EXTL3: variants seen among roughly 807,000 people sequenced by gnomAD.
The protein encoded by EXTL3 is exostosin-like 3.
A neutral mutation model predicts 69.3 loss-of-function variants in EXTL3; 27 were observed. The ratio of observed to expected loss-of-function variants is 0.39; its 90% CI spans 0.29 to 0.54. The LOEUF (loss-of-function observed/expected upper bound fraction) is 0.54, where lower values mean the gene tolerates loss of function less well. EXTL3 is among the 20% of genes least tolerant of loss of function. The pLI is 0.69. For missense variants in EXTL3, 1,003 were observed against 1,231.8 expected (o/e 0.81, Z 2.78); for synonymous variants, 511 against 499.4 (o/e 1.02, Z -0.31).
At chr8:28,641,499 C>T (rs192671249) in intron 1 of EXTL3, among the ~76,000 whole-genome samples, 14 of 152,164 alleles carry the variant, frequency 9.2e-5, no homozygotes, top group South Asian at 2.1e-4. Flanking sequence ...TTTTTTTAAA[C>T]GGAGTCTCAC....
At chr8:28,624,440 G>C (rs1217455479) in intron 1 of EXTL3, among the ~76,000 whole-genome samples, 1 of 152,140 alleles carries the variant, frequency 6.6e-6, no homozygotes, top group East Asian at 1.9e-4. Flanking sequence ...GTGAGCACCT[G>C]TGGTCTCAGC....
rs761359440 is a variant in EXTL3, at chr8:28,716,428, C to G, written c.369C>G (p.Asn123Lys). Residue 123 changes from asparagine (N) to lysine (K), a missense_variant, in exon 3 of 7, where the codon AAC becomes AAG. Asn to Lys is a moderately conservative substitution (Grantham distance 94). Around this residue, in one of 2 missense-constraint regions of EXTL3, gnomAD observed 742 missense variants for 815.4 expected, o/e 0.91. Coordinates refer to ENST00000220562, the MANE Select transcript of EXTL3 (RefSeq NM_001440.4). This position sits in a 1 kb window ranked among gnomAD's most constrained non-coding sequence, Gnocchi z 7.1. ...AAGCCTGTAAGAAGAGCATTGAGAACGCCAAGCAGGACCTGCTCCAGCTCA... is the reference window on the plus strand; with the variant it reads ...AAGCCTGTAAGAAGAGCATTGAGAAGGCCAAGCAGGACCTGCTCCAGCTCA... ...KIEACKKSIE[N>K]AKQDLLQLKN... 2 of 1,613,644 alleles carry G rather than the reference C, an allele frequency of 1.2e-6. No homozygotes were observed. The highest frequency in any genetic ancestry group is 1.3e-5 in the African/African-American group (1 of 74,950).
chr8:28,612,471 A>G (rs1212961980), intron 2 of EXTL3, among the ~76,000 whole-genome samples: 21 of 151,772 alleles, frequency 1.4e-4, no homozygotes, highest in Admixed American at 6.6e-5. Flanking sequence ...CTTAAAAAAA[A>G]AAAAAAGAAA....
intron 3 of EXTL3, among the ~76,000 whole-genome samples, chr8:28,722,817 T>C (rs998555628): frequency 6.6e-6 from 1 of 151,944 alleles, no homozygotes; most frequent in African/African-American, 2.4e-5. Flanking sequence ...AGATTATTAT[T>C]TTTCAATGCC....
chr8:28,611,100 G>T (rs1345995161), intron 2 of EXTL3, among the ~76,000 whole-genome samples: 1 of 152,158 alleles, frequency 6.6e-6, no homozygotes, highest in Admixed American at 6.6e-5. Context: ...GCTTGGGCCA[G>T]ATGTTTAGTT....
chr8:28,733,434 T>C (rs943235164), intron 4 of EXTL3, among the ~76,000 whole-genome samples: 1 of 152,156 alleles, frequency 6.6e-6, no homozygotes. Flanking sequence ...GGTCTCACAT[T>C]GTTGCTGAGG....
At chr8:28,722,211 C>A (rs1801305201) in intron 3 of EXTL3, among the ~76,000 whole-genome samples, 1 of 152,138 alleles carries the variant, frequency 6.6e-6, no homozygotes, top group African/African-American at 2.4e-5. Flanking sequence ...GGCAGTGGGA[C>A]CAGCAGGTGC....
At chr8:28,723,980 C>CT (rs375453638) in intron 3 of EXTL3, among the ~76,000 whole-genome samples, 3,299 of 145,866 alleles carry the variant, frequency 0.023, 94 homozygotes, top group African/African-American at 0.064. Context: ...TATTTTTTTT[C>CT]TTTTTTTTTT....
At chr8:28,641,721 C>T (rs1563433179) in intron 1 of EXTL3, among the ~76,000 whole-genome samples, 2 of 152,148 alleles carry the variant, frequency 1.3e-5, no homozygotes, top group African/African-American at 4.8e-5. Flanking sequence ...GATCCACCCC[C>T]TCCCCGACCC....
chr8:28,638,992 C>G (rs1806701493), intron 1 of EXTL3, among the ~76,000 whole-genome samples: 1 of 146,376 alleles, frequency 6.8e-6, no homozygotes, highest in African/African-American at 2.6e-5. Flanking sequence ...GGCTGCAGTG[C>G]AATGGTGTGT....
exon 1 of EXTL3, chr8:28,622,774 C>G (rs910382907): frequency 6.6e-6 from 1 of 152,410 alleles, no homozygotes; most frequent in Non-Finnish European, 1.5e-5. Context: ...CTGCAGTGGC[C>G]GCCGCTGGAG....
chr8:28,689,452 C>T (rs752573269), intron 1 of EXTL3, among the ~76,000 whole-genome samples: 6 of 152,198 alleles, frequency 3.9e-5, no homozygotes, highest in Non-Finnish European at 7.3e-5. Flanking sequence ...ATAGATCTGA[C>T]TAGCTGTCTC....
At chr8:28,719,276 A>G (rs899003671) in intron 3 of EXTL3, among the ~76,000 whole-genome samples, 5 of 152,210 alleles carry the variant, frequency 3.3e-5, no homozygotes, top group African/African-American at 1.2e-4. Context: ...AGCTTTTTTG[A>G]TCTCAGCATT....
intron 4 of EXTL3, 90 bp downstream of exon 4, chr8:28,731,440 A>G: frequency 1.4e-6 from 2 of 1,381,014 alleles, no homozygotes; most frequent in Non-Finnish European, 2.0e-6. Flanking sequence ...GCTGATGGTA[A>G]CTGAGAACCC....
At chr8:28,737,380 AT>A in intron 4 of EXTL3, 138 bp from the exon 5 acceptor site, 1 of 912,354 alleles carries the variant, frequency 1.1e-6, no homozygotes, top group Admixed American at 2.0e-5. Context: ...CTTGTTGTTG[AT>A]TTTGTTTTAT....
At chr8:28,693,681 C>G (rs1355022091) in intron 1 of EXTL3, among the ~76,000 whole-genome samples, 1 of 152,156 alleles carries the variant, frequency 6.6e-6, no homozygotes, top group East Asian at 1.9e-4. Flanking sequence ...AGACAAAAAC[C>G]AGCCACTTTT....
At chr8:28,611,970 G>C (rs1386519078) in intron 2 of EXTL3, among the ~76,000 whole-genome samples, 1 of 152,202 alleles carries the variant, frequency 6.6e-6, no homozygotes, top group Non-Finnish European at 1.5e-5. Context: ...AAAGAGAAAA[G>C]GGCTCTTTCT....
chr8:28,640,499 A>G (rs1316779762), intron 1 of EXTL3, among the ~76,000 whole-genome samples: 2 of 152,324 alleles, frequency 1.3e-5, no homozygotes, highest in African/African-American at 4.8e-5. Context: ...AGAGCTATTT[A>G]TGGTTGCATA....
intron 3 of EXTL3, among the ~76,000 whole-genome samples, chr8:28,726,048 C>T (rs1445770292): frequency 2.6e-5 from 4 of 151,774 alleles, no homozygotes; most frequent in African/African-American, 4.8e-5. Context: ...CTCTGCCTCC[C>T]GGGCTCAAGC....
Sources: allele counts gnomAD v4.1 joint callset (sites outside exome capture counted in the v4.1 genomes callset), GRCh38; gene constraint gnomAD v4.1.1; regional missense constraint gnomAD v4.1.1; non-coding constraint Gnocchi (gnomAD v3.1); transcripts MANE v1.5; gene names NCBI Gene and HGNC (gene_info 2026-07-23, HGNC 2026-07-21).